The following METTL4 variants were observed in gnomAD, a reference collection of about 807,000 sequenced individuals.
The protein encoded by METTL4 is methyltransferase 4, N6-adenosine, also known as N(6)-adenine-specific methyltransferase METTL4.
A neutral mutation model predicts 54.0 loss-of-function variants in METTL4; 40 were observed. The observed-to-expected ratio is 0.74, with a 90% CI of 0.58 to 0.96. The LOEUF is 0.96. Ranked by LOEUF, METTL4 falls within the 50% of genes least tolerant of loss-of-function variation. The probability of loss-of-function intolerance (pLI) is 0.00; values close to 1 mark genes in which losing one functional copy is unlikely to be tolerated. For missense variants in METTL4, 525 were observed against 549.0 expected, an observed-to-expected ratio of 0.96 and a Z score of 0.44; for synonymous variants, 169 against 183.8, an observed-to-expected ratio of 0.92 and a Z score of 0.65.
At chr18:2,563,600 CAAAA>C (rs67428228) in intron 3 of METTL4, among the ~76,000 whole-genome samples, 193 bp downstream of exon 3, 1 of 97,852 alleles carries the variant, frequency 1.0e-5, no homozygotes, top group Non-Finnish European at 1.9e-5. Context: ...GACTCTGCCT[CAAAA>C]AAAAAAAAAA....
chr18:2,539,815 A>T (rs898679563), intron 8 of METTL4: 1 of 946,312 alleles, frequency 1.1e-6, no homozygotes, highest in African/African-American at 1.9e-5. Flanking sequence ...CCATACATGA[A>T]AAAGAGCTCT....
At chr18:2,558,305 CA>C (rs1382357783) in intron 3 of METTL4, among the ~76,000 whole-genome samples, 1 of 151,882 alleles carries the variant, frequency 6.6e-6, no homozygotes, top group Admixed American at 6.6e-5. Flanking sequence ...AAATCAAGAA[CA>C]AGAAGACACT....
intron 1 of METTL4, among the ~76,000 whole-genome samples, chr18:2,570,865 T>G (rs1020244111): frequency 2.0e-5 from 3 of 152,180 alleles, no homozygotes; most frequent in African/African-American, 2.4e-5. Context: ...GCAGTGCCTG[T>G]TTCTGGATTC....
rs2072502006 is a variant in METTL4, at chr18:2,571,272, T to C, written c.-562A>G. The C allele has an allele frequency of 6.6e-6, 1 of 152,292 alleles. No individual in the cohort carries two copies. Among genetic ancestry groups the C allele is most frequent in the Non-Finnish European group, 1.5e-5 (1 of 68,084 alleles). The allele number at this position is 152,292 out of a possible 1,614,324, so 9.4% of individuals were successfully genotyped here. On this transcript the variant is annotated 5_prime_UTR_variant, in exon 1 of 9. Transcript: ENST00000574538. Reference sequence around the variant, plus strand: ...CCACAGAGAAAAAGCTTTCTCCTTTTCTAAGAGTCCATGGGCGCCGCCATG... The same window carrying C: ...CCACAGAGAAAAAGCTTTCTCCTTTCCTAAGAGTCCATGGGCGCCGCCATG...
intron 5 of METTL4, among the ~76,000 whole-genome samples, chr18:2,548,399 G>A (rs904295589): frequency 3.7e-4 from 57 of 152,028 alleles, no homozygotes; most frequent in African/African-American, 1.4e-3. Flanking sequence ...TCTTTGAGAG[G>A]TATGCTATCC....
chr18:2,567,389 A>G lies in METTL4; in HGVS notation c.-173T>C. ...GCACATTGAAGAGAATTTATCATTC[A>G]TGATGTTAATATATACAGAAATTCT... On this transcript the variant is annotated 5_prime_UTR_variant, in exon 2 of 9. An upstream start codon of the reference 5' UTR is lost. Coordinates refer to ENST00000574538, the MANE Select transcript of METTL4 (RefSeq NM_022840.5). 1 of 493,088 alleles carries G rather than the reference A, an allele frequency of 2.0e-6. No individual in the cohort carries two copies. The allele number at this position is 493,088 out of a possible 1,614,324, so 30.5% of individuals were successfully genotyped here.
intron 6 of METTL4, among the ~76,000 whole-genome samples, chr18:2,547,017 A>G (rs1009336520): frequency 3.3e-5 from 5 of 152,210 alleles, no homozygotes; most frequent in African/African-American, 1.2e-4. Flanking sequence ...GATGAAGAGT[A>G]AGACTATTTC....
At chr18:2,544,973 T>C (rs1308174996) in intron 6 of METTL4, among the ~76,000 whole-genome samples, 1 of 152,160 alleles carries the variant, frequency 6.6e-6, no homozygotes, top group Non-Finnish European at 1.5e-5. Context: ...TTTAATTCAG[T>C]CTAACATACT....
At chr18:2,568,044 T>A (rs1231830713) in intron 1 of METTL4, among the ~76,000 whole-genome samples, 1 of 152,224 alleles carries the variant, frequency 6.6e-6, no homozygotes, top group East Asian at 1.9e-4. Flanking sequence ...GTTCTAGATA[T>A]TGCTTTCTAA....
chr18:2,564,247 CAA>C (rs11457097), intron 2 of METTL4, among the ~76,000 whole-genome samples: 2 of 142,402 alleles, frequency 1.4e-5, no homozygotes. Context: ...ACTAAAAATA[CAA>C]AAAAAAAAAA....
intron 3 of METTL4, among the ~76,000 whole-genome samples, chr18:2,560,596 G>A (rs2072302195): frequency 6.6e-6 from 1 of 152,130 alleles, no homozygotes; most frequent in South Asian, 2.1e-4. Flanking sequence ...ATCCAGTAGA[G>A]GCCGGGCGCA....
chr18:2,549,225 C>T (rs1235362230), intron 5 of METTL4, among the ~76,000 whole-genome samples: 2 of 152,158 alleles, frequency 1.3e-5, no homozygotes, highest in African/African-American at 4.8e-5. Context: ...CTTATCCCTC[C>T]GGTTGTATTC....
chr18:2,566,049 AT>A (rs368102848), intron 2 of METTL4, among the ~76,000 whole-genome samples: 23,399 of 120,086 alleles, frequency 0.19, 2,742 homozygotes, highest in Middle Eastern at 0.27. Context: ...TCTGTCTCAA[AT>A]AAATAAATAA....
intron 1 of METTL4, among the ~76,000 whole-genome samples, chr18:2,569,749 T>G (rs777488580): frequency 2.6e-5 from 4 of 152,196 alleles, no homozygotes; most frequent in South Asian, 2.1e-4. Context: ...CCATATCTTC[T>G]CTTCCCCACC....
chr18:2,563,748 C>T (rs77379330), intron 3 of METTL4, 49 bp downstream of exon 3: 1 of 1,325,880 alleles, frequency 7.5e-7, no homozygotes, highest in Non-Finnish European at 1.1e-6. Flanking sequence ...TTATTTTCTA[C>T]TACTTCACAT....
intron 2 of METTL4, among the ~76,000 whole-genome samples, chr18:2,565,653 G>A (rs772560761): frequency 2.0e-5 from 3 of 151,842 alleles, no homozygotes; most frequent in Non-Finnish European, 2.9e-5. Flanking sequence ...CTTCTTCACC[G>A]AATTATAAGA....
intron 2 of METTL4, 82 bp from the exon 3 acceptor site, chr18:2,563,941 A>C: frequency 1.2e-6 from 1 of 807,410 alleles, no homozygotes. Flanking sequence ...TTTATGTCTT[A>C]TATCTGTCTA....
chr18:2,560,218 G>A (rs772065065), intron 3 of METTL4, among the ~76,000 whole-genome samples: 7 of 151,762 alleles, frequency 4.6e-5, no homozygotes, highest in Non-Finnish European at 1.0e-4. Flanking sequence ...TGTGCCCAGA[G>A]AAAAAGTCTC....
At chr18:2,552,556 T>C (rs2072178067) in intron 5 of METTL4, 139 bp downstream of exon 5, 1 of 621,042 alleles carries the variant, frequency 1.6e-6, no homozygotes, top group Non-Finnish European at 2.8e-6. Flanking sequence ...GTTAAGGAAA[T>C]TAAGCTGTTA....
Sources: gnomAD v4.1 joint callset for allele counts (sites outside exome capture counted in the v4.1 genomes callset) on GRCh38, gnomAD v4.1.1 for gene constraint, MANE v1.5 for transcripts, NCBI Gene and HGNC (gene_info 2026-07-23, HGNC 2026-07-21) for gene names.